SERPINB7: variants seen among roughly 807,000 people sequenced by gnomAD.
SERPINB7 encodes the protein serpin B7.
Under a neutral mutation model 37.4 loss-of-function variants are expected in SERPINB7, and 31 were observed. The observed-to-expected ratio is 0.83, with a 90% CI of 0.62 to 1.12. The LOEUF is 1.12. Among genes scored for constraint, SERPINB7 ranks in the 50% most tolerant of loss-of-function variants. The pLI is 0.00. For synonymous variants in SERPINB7, 163 were observed against 166.1 expected (o/e 0.98, Z 0.14); for missense variants, 521 against 455.3 (o/e 1.14, Z -1.31).
chr18:63,759,861 G>C (rs1050624712), intron 1 of SERPINB7, among the ~76,000 whole-genome samples: 1 of 152,148 alleles, frequency 6.6e-6, no homozygotes, highest in African/African-American at 2.4e-5. Flanking sequence ...CTCCCCCCAT[G>C]ATTCTGAGGC....
At chr18:63,795,070 G>C (rs1399019075) in intron 4 of SERPINB7, among the ~76,000 whole-genome samples, 1 of 152,160 alleles carries the variant, frequency 6.6e-6, no homozygotes, top group African/African-American at 2.4e-5. Context: ...ATTAAGAACA[G>C]CAAGTATTTC....
chr18:63,777,729 G>C (rs1227077175), intron 1 of SERPINB7: 1 of 151,948 alleles, frequency 6.6e-6, no homozygotes, highest in East Asian at 1.9e-4. Flanking sequence ...AAAAAGTAGG[G>C]AGTGTCTGAG....
At chr18:63,783,276 AAGAAAGAAAGAAAG>A (rs2049331558) in intron 2 of SERPINB7, among the ~76,000 whole-genome samples, 4 of 148,168 alleles carry the variant, frequency 2.7e-5, no homozygotes, top group Admixed American at 1.3e-4. Context: ...GAAAGAAAGA[AAGAAAGAAAGAAAG>A]AAAGAAATGC....
At chr18:63,800,625 C>T (rs1017604130) in intron 6 of SERPINB7, among the ~76,000 whole-genome samples, 2 of 152,116 alleles carry the variant, frequency 1.3e-5, no homozygotes, top group Non-Finnish European at 2.9e-5. Context: ...CAGAGAGGAA[C>T]AGTAACTCAC....
At chr18:63,773,122 T>C (rs2049221040), upstream of SERPINB7, among the ~76,000 whole-genome samples, 2 of 152,066 alleles carry the variant, frequency 1.3e-5, no homozygotes, top group South Asian at 4.1e-4. Context: ...GAAGTAAAAA[T>C]AGACCTAACA....
chr18:63,794,167 G>A (rs1241049459), intron 4 of SERPINB7, among the ~76,000 whole-genome samples: 1 of 121,754 alleles, frequency 8.2e-6, no homozygotes, highest in African/African-American at 3.3e-5. Context: ...TTGCTATGTT[G>A]GCCTGGCTGG....
chr18:63,799,646 C>T (rs2049525939), intron 6 of SERPINB7, among the ~76,000 whole-genome samples: 1 of 152,120 alleles, frequency 6.6e-6, no homozygotes, highest in Non-Finnish European at 1.5e-5. Flanking sequence ...TTTCCCTGCC[C>T]CAGTGAGACA....
chr18:63,797,763 T>C (rs1446426071), intron 5 of SERPINB7, among the ~76,000 whole-genome samples: 1 of 152,182 alleles, frequency 6.6e-6, no homozygotes, highest in Non-Finnish European at 1.5e-5. Context: ...AGCAATTATT[T>C]CCCATCATCT....
chr18:63,791,619 A>AT (rs552815167), intron 2 of SERPINB7, among the ~76,000 whole-genome samples: 10 of 150,788 alleles, frequency 6.6e-5, no homozygotes, highest in Non-Finnish European at 7.4e-5. Context: ...TTTTATTTTT[A>AT]TTTTTTTTTG....
intron 2 of SERPINB7, among the ~76,000 whole-genome samples, chr18:63,790,549 T>C (rs1373861490): frequency 6.6e-6 from 1 of 152,254 alleles, no homozygotes; most frequent in East Asian, 1.9e-4. Context: ...TCAATTTGTA[T>C]AGTGCCTCCT....
chr18:63,776,937 T>C (rs192164200), intron 1 of SERPINB7, among the ~76,000 whole-genome samples: 69 of 152,122 alleles, frequency 4.5e-4, no homozygotes, highest in Non-Finnish European at 7.7e-4. Flanking sequence ...TTCTAACGCA[T>C]CTCTCTCTCT....
chr18:63,792,436 A>G lies in SERPINB7; in HGVS notation c.212A>G (p.Asn71Ser). 1 of 1,593,052 alleles carries G rather than the reference A, an allele frequency of 6.3e-7. No individual in the cohort carries two copies. Among genetic ancestry groups the G allele is most frequent in the South Asian group, 1.1e-5 (1 of 90,602 alleles). The change falls in exon 3 of 8, where the codon AAT becomes AGT. Residue 71 changes from asparagine (N) to serine (S), a missense_variant. Coordinates refer to ENST00000398019, the MANE Select transcript of SERPINB7 (RefSeq NM_003784.4). ...GCCTCAGGATATGGAAACTCTTCTA[A>G]TAGTCAGGTAAAGACAATATGTTCT... ...NTASGYGNSSNSQSGLQSQLK... is the reference protein window; with the variant it reads ...NTASGYGNSSSSQSGLQSQLK...
At position 63,777,879 on chromosome 18, in the gene SERPINB7, G is replaced by GACACACATACACACAC. The variant is rs1354060206; in HGVS notation, c.-19+2170_-19+2171insTACACACACACACACA. The GACACACATACACACAC allele has an allele frequency of 5.2e-4, 68 of 131,278 alleles. 1 individual carries two copies. The highest frequency in any genetic ancestry group is 1.9e-3 in the African/African-American group (67 of 34,776). The allele number at this position is 131,278 out of a possible 1,614,324, so 8.1% of individuals were successfully genotyped here. ...AGTCTGGCCAGATCCTTTGAAAAAA[G>GACACACATACACACAC]ACACACACACACACACACACACACA... is the stretch of plus-strand genomic sequence containing the variant. On this transcript the variant is annotated intron_variant, in intron 1 of 7. Transcript: ENST00000398019.
intron 1 of SERPINB7, among the ~76,000 whole-genome samples, chr18:63,755,923 C>T (rs2049119285): frequency 2.0e-5 from 3 of 151,972 alleles, no homozygotes; most frequent in African/African-American, 4.8e-5. Flanking sequence ...CAACTGTTGA[C>T]ATTAAATGAA....
At chr18:63,787,474 A>G (rs1424878659) in intron 2 of SERPINB7, among the ~76,000 whole-genome samples, 1 of 152,182 alleles carries the variant, frequency 6.6e-6, no homozygotes, top group Non-Finnish European at 1.5e-5. Flanking sequence ...AACTTTATTC[A>G]AAAAGTTAAG....
chr18:63,791,867 C>T (rs2049432526), intron 2 of SERPINB7, among the ~76,000 whole-genome samples: 1 of 152,168 alleles, frequency 6.6e-6, no homozygotes, highest in South Asian at 2.1e-4. Context: ...GCCTTGGCCT[C>T]CCAAAGTGCT....
intron 6 of SERPINB7, 40 bp downstream of exon 6, chr18:63,798,786 C>T: frequency 6.3e-7 from 1 of 1,592,950 alleles, no homozygotes; most frequent in Non-Finnish European, 8.6e-7. Context: ...AACTTTTCCA[C>T]AATCGTATTC....
At chr18:63,774,676 C>T (rs1284369720), upstream of SERPINB7, among the ~76,000 whole-genome samples, 1 of 151,934 alleles carries the variant, frequency 6.6e-6, no homozygotes, top group Non-Finnish European at 1.5e-5. Context: ...GCAGACGTGG[C>T]TTTCCATTGC....
chr18:63,774,705 G>A (rs530273533), upstream of SERPINB7, among the ~76,000 whole-genome samples: 3 of 152,166 alleles, frequency 2.0e-5, no homozygotes, highest in East Asian at 5.8e-4. Flanking sequence ...AAGGGTGGAG[G>A]AGAGGCTGGC....
Sources: allele counts gnomAD v4.1 joint callset (sites outside exome capture counted in the v4.1 genomes callset), GRCh38; gene constraint gnomAD v4.1.1; transcripts MANE v1.5; gene names NCBI Gene and HGNC (gene_info 2026-07-23, HGNC 2026-07-21).